The following PHTF2 variants were observed in gnomAD, a reference collection of about 807,000 sequenced individuals.
PHTF2 encodes the protein protein PHTF2.
A neutral mutation model predicts 101.2 loss-of-function variants in PHTF2; 60 were observed. That is an observed-to-expected ratio of 0.59 (90% confidence interval 0.48 to 0.73). The LOEUF (loss-of-function observed/expected upper bound fraction) is 0.73, where lower values mean the gene tolerates loss of function less well. PHTF2 is among the 30% of genes least tolerant of loss of function. PHTF2 has a pLI of 0.00. For missense variants in PHTF2, 747 were observed against 908.7 expected (o/e 0.82, Z 2.29); for synonymous variants, 311 against 307.3 (o/e 1.01, Z -0.13).
intron 10 of PHTF2, among the ~76,000 whole-genome samples, chr7:77,921,348 T>C (rs187601887): frequency 2.0e-5 from 3 of 152,372 alleles, no homozygotes; most frequent in Admixed American, 2.0e-4. Flanking sequence ...ATTTCTTTGC[T>C]TCACTGAATT....
At chr7:77,873,656 G>A (rs181531878) in intron 3 of PHTF2, among the ~76,000 whole-genome samples, 3 of 152,242 alleles carry the variant, frequency 2.0e-5, no homozygotes, top group African/African-American at 4.8e-5. Context: ...AGCATGGGTC[G>A]GGGAGGGGAT....
intron 3 of PHTF2, among the ~76,000 whole-genome samples, chr7:77,869,784 G>T: frequency 6.6e-6 from 1 of 151,990 alleles, no homozygotes; most frequent in East Asian, 1.9e-4. Flanking sequence ...TCTCATTGTG[G>T]TTTTGATTTG....
chr7:77,825,745 G>C (rs945324435), intron 1 of PHTF2, among the ~76,000 whole-genome samples: 1 of 152,150 alleles, frequency 6.6e-6, no homozygotes, highest in African/African-American at 2.4e-5. Flanking sequence ...AGGTGTTAGG[G>C]GTGGCCGAGC....
At chr7:77,799,170 G>T (rs183809106) in intron 1 of PHTF2, among the ~76,000 whole-genome samples, 199 bp downstream of exon 1, 2 of 152,164 alleles carry the variant, frequency 1.3e-5, no homozygotes, top group African/African-American at 4.8e-5. Context: ...GGTCAGCCGC[G>T]ACCCCTTCTC....
At chr7:77,896,218 A>G (rs543410532) in intron 5 of PHTF2, among the ~76,000 whole-genome samples, 20 of 152,264 alleles carry the variant, frequency 1.3e-4, no homozygotes, top group African/African-American at 4.6e-4. Flanking sequence ...CTTGCGTAGC[A>G]GTCAAGTCAG....
chr7:77,868,216 C>T (rs1419924348), intron 3 of PHTF2, among the ~76,000 whole-genome samples: 4 of 151,480 alleles, frequency 2.6e-5, no homozygotes, highest in African/African-American at 7.3e-5. Flanking sequence ...TATCATAGCT[C>T]AATGCAGCCT....
chr7:77,875,909 A>G (rs1480719704), intron 3 of PHTF2, among the ~76,000 whole-genome samples: 1 of 152,184 alleles, frequency 6.6e-6, no homozygotes, highest in Non-Finnish European at 1.5e-5. Flanking sequence ...AATGTCTGAA[A>G]GTACTTTATA....
intron 1 of PHTF2, among the ~76,000 whole-genome samples, chr7:77,837,951 TTTG>T (rs1795595843): frequency 6.6e-6 from 1 of 152,160 alleles, no homozygotes; most frequent in East Asian, 1.9e-4. Context: ...GGATCTTTAT[TTTG>T]TTAGATAATC....
intron 1 of PHTF2, among the ~76,000 whole-genome samples, chr7:77,820,963 G>T (rs1289682330): frequency 6.6e-6 from 1 of 151,924 alleles, no homozygotes; most frequent in Non-Finnish European, 1.5e-5. Flanking sequence ...TATGATGGTG[G>T]TTATCATCCT....
At chr7:77,869,824 T>G (rs773868482) in intron 3 of PHTF2, among the ~76,000 whole-genome samples, 5 of 152,132 alleles carry the variant, frequency 3.3e-5, no homozygotes, top group Non-Finnish European at 4.4e-5. Context: ...GATGTTGAGT[T>G]TTTTTGTTGT....
At chr7:77,864,120 G>C (rs1797870098) in intron 3 of PHTF2, among the ~76,000 whole-genome samples, 1 of 152,126 alleles carries the variant, frequency 6.6e-6, no homozygotes, top group Admixed American at 6.5e-5. Context: ...CATCATGGGG[G>C]AGCCAAGATG....
intron 3 of PHTF2, among the ~76,000 whole-genome samples, chr7:77,872,492 C>G (rs139596744): frequency 6.6e-6 from 1 of 152,312 alleles, no homozygotes; most frequent in Non-Finnish European, 1.5e-5. Flanking sequence ...TCAGACTATT[C>G]TGATTGCCGC....
chr7:77,917,756 C>T (rs10953376), intron 9 of PHTF2, among the ~76,000 whole-genome samples: 23,361 of 152,146 alleles, frequency 0.15, 2,468 homozygotes, highest in African/African-American at 0.3. Context: ...TCCCACTCCA[C>T]TGATATTCTT....
intron 3 of PHTF2, among the ~76,000 whole-genome samples, chr7:77,883,077 T>C (rs1799544867): frequency 6.6e-6 from 1 of 152,094 alleles, no homozygotes; most frequent in African/African-American, 2.4e-5. Flanking sequence ...AAATAAGTCC[T>C]ATTAGGAGCA....
intron 1 of PHTF2, among the ~76,000 whole-genome samples, chr7:77,806,112 G>A (rs1213727808): frequency 6.6e-6 from 1 of 151,954 alleles, no homozygotes; most frequent in Non-Finnish European, 1.5e-5. Flanking sequence ...GAGGGGAGGT[G>A]GAGGTTGCAG....
Position 77,925,495 on chromosome 7 carries a change from G to GTTTTTTTTTT in PHTF2, c.1119+2739_1119+2748dup, listed in dbSNP as rs58290945. Reference sequence around the variant, plus strand: ...GCAATTATAGGCAATAGTTTTTAGGGTTTTTTTTTTTTTTTTTTTTTTTTT... The same window carrying GTTTTTTTTTT: ...GCAATTATAGGCAATAGTTTTTAGGGTTTTTTTTTTTTTTTTTTTTTTTTTTTTTTTTTTT... On this transcript the variant is annotated intron_variant, in intron 11 of 19. Coordinates refer to ENST00000416283, the Ensembl canonical transcript of PHTF2. 2.9e-3 allele frequency among the ~76,000 whole-genome samples: 209 copies of GTTTTTTTTTT among 73,156 alleles called. 18 individuals carry two copies. Among genetic ancestry groups the GTTTTTTTTTT allele is most frequent in the African/African-American group, 0.01 (180 of 17,290 alleles). The allele number at this position is 73,156 out of a possible 152,430, so 48.0% of individuals were successfully genotyped here.
At chr7:77,908,487 T>A (rs1263611419) in intron 7 of PHTF2, among the ~76,000 whole-genome samples, 1 of 152,216 alleles carries the variant, frequency 6.6e-6, no homozygotes, top group Non-Finnish European at 1.5e-5. Context: ...GTTCTTTGAT[T>A]GTCTGTGATG....
intron 1 of PHTF2, among the ~76,000 whole-genome samples, chr7:77,815,023 G>C (rs1490821368): frequency 6.6e-6 from 1 of 151,962 alleles, no homozygotes; most frequent in African/African-American, 2.4e-5. Context: ...GATGCAGTGA[G>C]CTGATATCAC....
chr7:77,914,943 C>T (rs531295121), intron 9 of PHTF2, among the ~76,000 whole-genome samples: 12 of 152,236 alleles, frequency 7.9e-5, no homozygotes, highest in East Asian at 5.8e-4. Flanking sequence ...GATGGAGTCT[C>T]GCTCTGTTGC....
Sources: allele counts gnomAD v4.1 joint callset (sites outside exome capture counted in the v4.1 genomes callset), GRCh38; gene constraint gnomAD v4.1.1; transcripts MANE v1.5; gene names NCBI Gene and HGNC (gene_info 2026-07-23, HGNC 2026-07-21).